Variants in HDAC9 observed in about 807,000 individuals in gnomAD.
HDAC9 encodes the protein histone deacetylase 9.
HDAC9 carries 41 observed loss-of-function variants against 139.4 expected under a neutral mutation model. The ratio of observed to expected loss-of-function variants is 0.29; its 90% CI spans 0.23 to 0.38. The LOEUF (loss-of-function observed/expected upper bound fraction) is 0.38, where lower values mean the gene tolerates loss of function less well. HDAC9 is among the 10% of genes least tolerant of loss of function. The pLI is 1.00. For missense variants in HDAC9, 1,147 were observed against 1,297.0 expected (o/e 0.88, Z 1.78); for synonymous variants, 517 against 476.2 (o/e 1.09, Z -1.12).
intron 1 of HDAC9, among the ~76,000 whole-genome samples, chr7:18,146,966 A>G (rs1786385044): frequency 6.6e-6 from 1 of 152,206 alleles, no homozygotes; most frequent in Admixed American, 6.5e-5. Context: ...AAAATATGAA[A>G]CCACAAAAAG....
In HDAC9 at chr7:18,666,010, A is replaced by G. The variant is rs916541725; in HGVS notation, c.1468-203A>G. On this transcript the variant is annotated intron_variant, in intron 11 of 25. Coordinates refer to ENST00000686413, the MANE Select transcript of HDAC9 (RefSeq NM_178425.4). ...CACTTAAAGACCTTATTCACTGCCT[A>G]CTGGACCCATACAATATGGAATAAT... Among the ~76,000 whole-genome samples, 9 of 152,112 alleles carry G rather than the reference A, an allele frequency of 5.9e-5. No homozygotes were observed. In the East Asian group the frequency reaches 1.5e-3, roughly 26 times the overall value.
chr7:18,550,969 A>G (rs1816928624), intron 2 of HDAC9, among the ~76,000 whole-genome samples: 1 of 152,228 alleles, frequency 6.6e-6, no homozygotes, highest in Admixed American at 6.5e-5. Context: ...ACATTGGCTT[A>G]TTCTATACTC....
Position 18,874,478 on chromosome 7 carries a change from G to T in HDAC9, c.2685G>T (p.Arg895Ser). The T allele has an allele frequency of 6.4e-7, 1 of 1,574,744 alleles. No individual in the cohort carries two copies. Among genetic ancestry groups the T allele is most frequent in the South Asian group, 1.2e-5 (1 of 86,164 alleles). ...MGDVEYLEAF[R>S]TIVKPVAKEF... ...GACCGGTTGCATTTTTACTGTGCAGGACCATCGTGAAGCCTGTGGCCAAAG... is the reference window on the plus strand; with the variant it reads ...GACCGGTTGCATTTTTACTGTGCAGTACCATCGTGAAGCCTGTGGCCAAAG... Residue 895 changes from arginine to serine, a missense_variant and splice_region_variant, in exon 22 of 26, where the codon AGG becomes AGT. Coordinates refer to ENST00000686413, the MANE Select transcript of HDAC9 (RefSeq NM_178425.4).
intron 14 of HDAC9, among the ~76,000 whole-genome samples, chr7:18,757,826 T>C (rs969151690): frequency 6.6e-6 from 1 of 152,110 alleles, no homozygotes; most frequent in African/African-American, 2.4e-5. Context: ...TCTTCTATAA[T>C]CGGGATGCAT....
intron 5 of HDAC9, among the ~76,000 whole-genome samples, chr7:18,592,143 AAAGG>A (rs1831174833): frequency 1.3e-5 from 2 of 152,210 alleles, no homozygotes; most frequent in African/African-American, 4.8e-5. Flanking sequence ...AATGAAGAAA[AAAGG>A]AAGGAAGAAA....
chr7:18,758,883 G>T (rs1789120036), intron 14 of HDAC9, among the ~76,000 whole-genome samples: 2 of 151,676 alleles, frequency 1.3e-5, no homozygotes, highest in Non-Finnish European at 2.9e-5. Flanking sequence ...AGCAACCAAA[G>T]AAGCAGAAGG....
At chr7:18,692,359 T>C (rs1252947724) in intron 12 of HDAC9, among the ~76,000 whole-genome samples, 4 of 152,054 alleles carry the variant, frequency 2.6e-5, no homozygotes, top group African/African-American at 9.7e-5. Flanking sequence ...GCAACTTATT[T>C]ACATTATTGA....
chr7:18,203,791 C>A (rs544240878), intron 2 of HDAC9, among the ~76,000 whole-genome samples: 20 of 152,358 alleles, frequency 1.3e-4, no homozygotes, highest in African/African-American at 4.6e-4. Flanking sequence ...TGTGTCTCAA[C>A]ACAGCGGCTG....
intron 8 of HDAC9, among the ~76,000 whole-genome samples, chr7:18,635,643 C>G (rs943433876): frequency 2.6e-5 from 4 of 152,036 alleles, no homozygotes; most frequent in African/African-American, 9.7e-5. Flanking sequence ...GTTATTATGC[C>G]TTCTTCACTG....
chr7:18,593,236 G>A (rs1009883618), intron 5 of HDAC9, among the ~76,000 whole-genome samples: 1 of 151,946 alleles, frequency 6.6e-6, no homozygotes, highest in Non-Finnish European at 1.5e-5. Flanking sequence ...CATTACATAT[G>A]TAATTATAGA....
intron 1 of HDAC9, among the ~76,000 whole-genome samples, chr7:18,381,279 AAC>A (rs939026244): frequency 3.8e-4 from 58 of 151,854 alleles, no homozygotes; most frequent in African/African-American, 1.4e-3. Context: ...TTGTGTTAGA[AAC>A]ACAATTTTAT....
chr7:18,771,689 C>T (rs1231011623), intron 16 of HDAC9, among the ~76,000 whole-genome samples: 3 of 152,034 alleles, frequency 2.0e-5, no homozygotes, highest in Non-Finnish European at 4.4e-5. Flanking sequence ...CACATTTATT[C>T]TCCCCAGTAC....
At chr7:18,234,692 A>G (rs1793698989) in intron 2 of HDAC9, among the ~76,000 whole-genome samples, 2 of 152,168 alleles carry the variant, frequency 1.3e-5, no homozygotes, top group Non-Finnish European at 2.9e-5. Context: ...TTTTTTGCCT[A>G]ACATTTGCTG....
At chr7:18,217,670 A>C in intron 2 of HDAC9, among the ~76,000 whole-genome samples, 1 of 152,226 alleles carries the variant, frequency 6.6e-6, no homozygotes, top group East Asian at 1.9e-4. Flanking sequence ...AATCTTAAAA[A>C]TCTGTATTAG....
intron 22 of HDAC9, chr7:18,906,906 G>C (rs1192358721): frequency 6.6e-6 from 1 of 152,220 alleles, no homozygotes; most frequent in Non-Finnish European, 1.5e-5. Context: ...TTAAGCCCTG[G>C]AAAGCCCTGA....
chr7:18,908,104 G>T (rs756405869), intron 22 of HDAC9, among the ~76,000 whole-genome samples: 3 of 151,914 alleles, frequency 2.0e-5, no homozygotes, highest in South Asian at 2.1e-4. Context: ...TTTGAGACAT[G>T]AAATGTCTCA....
In HDAC9 at chr7:18,767,097, A is replaced by G. The variant is rs1377385172; in HGVS notation, c.2165-9A>G. ...TTATCTATATTTTTTATGTCTTCTT[A>G]CTGTATAGGTGATGACTCTCAAAAG... On this transcript the variant is annotated splice_polypyrimidine_tract_variant and intron_variant, in intron 15 of 25. Transcript: ENST00000686413. 2 of 1,440,840 alleles carry G rather than the reference A, an allele frequency of 1.4e-6. No homozygotes were observed. The highest frequency in any genetic ancestry group is 1.9e-6 in the Non-Finnish European group (2 of 1,061,022). 89.3% of individuals were successfully genotyped at this position (1,440,840 alleles called of 1,614,324 possible).
intron 22 of HDAC9, among the ~76,000 whole-genome samples, chr7:18,888,217 C>T (rs1275200986): frequency 6.6e-6 from 1 of 151,946 alleles, no homozygotes; most frequent in Non-Finnish European, 1.5e-5. Flanking sequence ...GTGAGGAGAT[C>T]GAGACCATCC....
At chr7:18,520,994 C>T (rs1165117285) in intron 2 of HDAC9, among the ~76,000 whole-genome samples, 1 of 152,182 alleles carries the variant, frequency 6.6e-6, no homozygotes, top group Non-Finnish European at 1.5e-5. Context: ...TAGTCATCGG[C>T]AGTCCTCCTC....
Sources: gnomAD v4.1 joint callset for allele counts (sites outside exome capture counted in the v4.1 genomes callset) on GRCh38, gnomAD v4.1.1 for gene constraint, MANE v1.5 for transcripts, NCBI Gene and HGNC (gene_info 2026-07-23, HGNC 2026-07-21) for gene names.